Variants in CLTC observed in about 807,000 individuals in gnomAD.
CLTC encodes the protein clathrin heavy chain 1.
Under a neutral mutation model 195.8 loss-of-function variants are expected in CLTC, and 16 were observed. The observed-to-expected ratio is 0.08, with a 90% confidence interval of 0.06 to 0.12. The LOEUF (loss-of-function observed/expected upper bound fraction) is 0.12. Among genes scored for constraint, CLTC ranks in the 10% least tolerant of loss-of-function variants. CLTC has a pLI of 1.00. For synonymous variants in CLTC, 667 were observed against 689.4 expected (o/e 0.97, Z 0.51); for missense variants, 796 against 2,027.0 (o/e 0.39, Z 11.66).
At chr17:59,647,808 TC>T in intron 3 of CLTC, 142 bp downstream of exon 3, 1 of 706,702 alleles carries the variant, frequency 1.4e-6, no homozygotes, top group Non-Finnish European at 2.3e-6. Flanking sequence ...TTTTCCTTCC[TC>T]CCATCCCTTC....
At chr17:59,692,828 C>T (rs1157386750) in intron 31 of CLTC, among the ~76,000 whole-genome samples, 3 of 151,686 alleles carry the variant, frequency 2.0e-5, no homozygotes, top group South Asian at 2.1e-4. Context: ...TTAGTAGAGA[C>T]GGGGTTTCAC....
chr17:59,666,689 T>C lies in CLTC; in HGVS notation c.1947+45T>C. 1 of 1,577,314 alleles carries C rather than the reference T, an allele frequency of 6.3e-7. No individual in the cohort carries two copies. Reference sequence around the variant, plus strand: ...AATAGATGGTGTTAGTTGTGATTAATAGGTACACTGAAAATGTGTTTGTGG... The same window carrying C: ...AATAGATGGTGTTAGTTGTGATTAACAGGTACACTGAAAATGTGTTTGTGG... On this transcript the variant is annotated intron_variant, in intron 12 of 31. Transcript: ENST00000269122. The surrounding 1 kb of genome is among the most constrained non-coding windows in gnomAD (Gnocchi z 4.9).
chr17:59,682,221 T>C lies in CLTC; in HGVS notation c.3443-50T>C, dbSNP rs755625813. ...AATTTTCATTTACTTGGGTGAAAGA[T>C]AAACTAGGATGTTAGTGTTTGGATA... On this transcript the variant is annotated intron_variant, in intron 21 of 31. Coordinates refer to ENST00000269122, the MANE Select transcript of CLTC (RefSeq NM_004859.4). This position sits in a 1 kb window ranked among gnomAD's most constrained non-coding sequence, Gnocchi z 6.8. 1.1e-5 allele frequency: 17 copies of C among 1,529,194 alleles called. No individual in the cohort carries two copies. The highest frequency in any genetic ancestry group is 1.4e-5 in the Non-Finnish European group (16 of 1,120,480). 94.7% of individuals were successfully genotyped at this position (1,529,194 alleles called of 1,614,324 possible).
At chr17:59,692,574 C>T (rs992566389) in intron 31 of CLTC, among the ~76,000 whole-genome samples, 34 of 152,124 alleles carry the variant, frequency 2.2e-4, no homozygotes, top group Non-Finnish European at 3.7e-4. Context: ...GAAAGAGTGT[C>T]AACATAGTAT....
intron 1 of CLTC, 146 bp from the exon 2 acceptor site, chr17:59,644,130 A>G: frequency 9.3e-6 from 6 of 645,590 alleles, no homozygotes. Flanking sequence ...CTTGGCTATT[A>G]ATAGTCTCTC....
intron 1 of CLTC, among the ~76,000 whole-genome samples, chr17:59,640,970 T>C (rs1033966210): frequency 2.0e-5 from 3 of 151,368 alleles, no homozygotes; most frequent in Non-Finnish European, 4.4e-5. Context: ...AATACAAAAA[T>C]TAGCTGGACG....
intron 30 of CLTC, among the ~76,000 whole-genome samples, chr17:59,688,132 T>C (rs781641209): frequency 6.6e-5 from 10 of 152,196 alleles, no homozygotes; most frequent in African/African-American, 1.2e-4. Context: ...TGCAGTGTTA[T>C]GCATTGTTTT....
At chr17:59,663,101 T>G (rs2143546994) in intron 8 of CLTC, among the ~76,000 whole-genome samples, 1 of 152,344 alleles carries the variant, frequency 6.6e-6, no homozygotes, top group African/African-American at 2.4e-5. Context: ...GTTAAGATTA[T>G]CGACTCTGAT....
intron 17 of CLTC, among the ~76,000 whole-genome samples, chr17:59,678,054 C>A (rs1437080984): frequency 1.3e-5 from 2 of 152,100 alleles, no homozygotes; most frequent in Non-Finnish European, 2.9e-5. Context: ...TGCCTATTCT[C>A]TATATTTCAT....
Position 59,682,422 on chromosome 17 carries a change from C to T in CLTC, c.3594C>T (p.Ile1198=). 5.0e-6 allele frequency: 8 copies of T among 1,613,786 alleles called. No individual in the cohort carries two copies. Among genetic ancestry groups the T allele is most frequent in the East Asian group, 2.2e-5 (1 of 44,876 alleles). ...TCAATGGACCAAATAATGCTCATAT[C>T]CAACAAGTGGGTTTCCTTTTCAGAT... ...EFINGPNNAH[I]QQVGDRCYDE... is the part of the protein sequence containing the mutation. The change falls in exon 22 of 32, where the codon ATC becomes ATT. Residue 1198 remains isoleucine, a synonymous_variant. Transcript: ENST00000269122. The surrounding 1 kb of genome is among the most constrained non-coding windows in gnomAD (Gnocchi z 6.8).
rs2032787600 is a variant in CLTC, at chr17:59,668,919, G to A, written c.2271G>A (p.Glu757=). The part of the protein sequence containing the change: ...ICRESNCYDP[E]RVKNFLKEAK... ...GAGAAAGCAACTGCTACGATCCTGA[G>A]CGAGTCAAGAATTTTCTTAAGGTAA... The change falls in exon 14 of 32, where the codon GAG becomes GAA. Residue 757 remains glutamate (E), a synonymous_variant. Transcript: ENST00000269122. 6.2e-7 allele frequency: 1 copy of A among 1,609,342 alleles called. No homozygotes were observed. Among genetic ancestry groups the A allele is most frequent in the Non-Finnish European group, 8.5e-7 (1 of 1,178,674 alleles).
intron 16 of CLTC, among the ~76,000 whole-genome samples, chr17:59,676,166 T>G (rs559086706): frequency 6.6e-6 from 1 of 152,216 alleles, no homozygotes; most frequent in Non-Finnish European, 1.5e-5. Context: ...TCCACTGCAC[T>G]CCAGCTTGGG....
At chr17:59,674,956 C>T in intron 16 of CLTC, 113 bp downstream of exon 16, 1 of 1,045,156 alleles carries the variant, frequency 9.6e-7, no homozygotes. Flanking sequence ...GAATAATTTC[C>T]TGAAGACACC....
chr17:59,635,013 T>A (rs1338031537), intron 1 of CLTC, among the ~76,000 whole-genome samples: 1 of 152,236 alleles, frequency 6.6e-6, no homozygotes, highest in Non-Finnish European at 1.5e-5. Flanking sequence ...AACCAAATCT[T>A]TAAGTACTGA....
rs368419767 is a variant in CLTC, at chr17:59,683,603, T to C, written c.4192-22T>C. 28 of 1,613,748 alleles carry C rather than the reference T, an allele frequency of 1.7e-5. No homozygotes were observed. In the African/African-American group the frequency reaches 2.5e-4, roughly 15 times the overall value. ...AGCTCATTAGGAAGTAACTGACTTATGTATGGATTTTCCCATTGTAGGTTG... is the reference window on the plus strand; with the variant it reads ...AGCTCATTAGGAAGTAACTGACTTACGTATGGATTTTCCCATTGTAGGTTG... On this transcript the variant is annotated intron_variant, in intron 26 of 31. Coordinates refer to ENST00000269122, the MANE Select transcript of CLTC (RefSeq NM_004859.4). The surrounding 1 kb of genome is among the most constrained non-coding windows in gnomAD (Gnocchi z 6.1).
chr17:59,666,470 G>C lies in CLTC; in HGVS notation c.1783-10G>C. On this transcript the variant is annotated splice_polypyrimidine_tract_variant and intron_variant, in intron 11 of 31. Coordinates refer to ENST00000269122, the MANE Select transcript of CLTC (RefSeq NM_004859.4). The surrounding 1 kb of genome is among the most constrained non-coding windows in gnomAD (Gnocchi z 4.9). The stretch of plus-strand genomic sequence containing the variant: ...TGGACAATAAACTTGCCTTGTTTGT[G>C]GTTTTACAGGTTGCAGATGCTATTC... 6.2e-7 allele frequency: 1 copy of C among 1,610,274 alleles called. No homozygotes were observed. Among genetic ancestry groups the C allele is most frequent in the Non-Finnish European group, 8.5e-7 (1 of 1,177,632 alleles).
At chr17:59,658,528 C>A (rs1476394076) in intron 6 of CLTC, 2 of 152,190 alleles carry the variant, frequency 1.3e-5, no homozygotes, top group African/African-American at 4.8e-5. Context: ...GGGCTTTCTT[C>A]TACTCTTTGC....
At chr17:59,657,776 A>G (rs564632133) in intron 6 of CLTC, among the ~76,000 whole-genome samples, 1 of 151,772 alleles carries the variant, frequency 6.6e-6, no homozygotes, top group East Asian at 1.9e-4. Context: ...TCAAAAAAAA[A>G]AAAAAAAAGA....
intron 2 of CLTC, among the ~76,000 whole-genome samples, chr17:59,645,419 CTTAGACTG>C (rs997575383): frequency 1.3e-5 from 2 of 152,150 alleles, no homozygotes; most frequent in Admixed American, 1.3e-4. Context: ...TTCAAAGACT[CTTAGACTG>C]TCACGGAAGC....
Sources: allele counts gnomAD v4.1 joint callset (sites outside exome capture counted in the v4.1 genomes callset), GRCh38; gene constraint gnomAD v4.1.1; non-coding constraint Gnocchi (gnomAD v3.1); transcripts MANE v1.5; gene names NCBI Gene and HGNC (gene_info 2026-07-23, HGNC 2026-07-21).